The following DIPK1A variants were observed in gnomAD, a reference collection of about 807,000 sequenced individuals.
The protein encoded by DIPK1A is divergent protein kinase domain 1A, also known as family with sequence similarity 69 member A.
In DIPK1A, 27 loss-of-function variants were observed where a neutral mutation model predicts 40.8. The observed-to-expected ratio is 0.66, with a 90% confidence interval of 0.49 to 0.91. The LOEUF (loss-of-function observed/expected upper bound fraction) is 0.91. DIPK1A is among the 40% of genes least tolerant of loss of function. The pLI, the probability that DIPK1A is intolerant of heterozygous loss-of-function variation, is 0.00. For missense variants in DIPK1A, 412 were observed against 505.7 expected, an observed-to-expected ratio of 0.81 and a Z score of 1.78; for synonymous variants, 166 against 171.3, an observed-to-expected ratio of 0.97 and a Z score of 0.24.
intron 2 of DIPK1A, among the ~76,000 whole-genome samples, chr1:92,874,818 C>T (rs777073069): frequency 6.6e-6 from 1 of 152,134 alleles, no homozygotes; most frequent in African/African-American, 2.4e-5. Flanking sequence ...CTGGTTCCAT[C>T]ATCTTGGGCA....
At chr1:92,911,600 G>A (rs1649827067) in intron 1 of DIPK1A, among the ~76,000 whole-genome samples, 2 of 151,888 alleles carry the variant, frequency 1.3e-5, no homozygotes, top group Admixed American at 6.6e-5. Context: ...CCACTTTTGG[G>A]GTATTACAAA....
chr1:92,850,321 G>T (rs371719780), intron 3 of DIPK1A, among the ~76,000 whole-genome samples: 13 of 152,030 alleles, frequency 8.6e-5, no homozygotes, highest in Non-Finnish European at 1.5e-4. Flanking sequence ...TAACATCAAA[G>T]TGCTGACAGA....
At chr1:92,912,981 G>A (rs893074666) in intron 1 of DIPK1A, among the ~76,000 whole-genome samples, 1 of 152,060 alleles carries the variant, frequency 6.6e-6, no homozygotes, top group East Asian at 1.9e-4. Flanking sequence ...GCATGCATCT[G>A]TATACCCAGG....
chr1:92,894,431 A>T (rs1484858290), intron 1 of DIPK1A, among the ~76,000 whole-genome samples: 1 of 152,144 alleles, frequency 6.6e-6, no homozygotes, highest in African/African-American at 2.4e-5. Flanking sequence ...TGAAGGCAGA[A>T]ATAAAGATGT....
chr1:92,905,441 A>T (rs1649584336), intron 1 of DIPK1A, among the ~76,000 whole-genome samples: 1 of 152,144 alleles, frequency 6.6e-6, no homozygotes, highest in South Asian at 2.1e-4. Flanking sequence ...TCTAAGAAAC[A>T]TTATTCAGAT....
chr1:92,857,815 G>A (rs1414594944), intron 2 of DIPK1A, among the ~76,000 whole-genome samples: 1 of 152,144 alleles, frequency 6.6e-6, no homozygotes, highest in Non-Finnish European at 1.5e-5. Flanking sequence ...TGGAACCTGA[G>A]CCCAGATAGT....
Position 92,847,303 on chromosome 1 carries a change from T to G in DIPK1A, c.354A>C (p.Gln118His), listed in dbSNP as rs1355015398. Residue 118 changes from glutamine to histidine, a missense_variant, in exon 4 of 5, where the codon CAA becomes CAC. Gln to His is a conservative substitution (Grantham distance 24, BLOSUM62 0). Coordinates refer to ENST00000370310, the MANE Select transcript of DIPK1A (RefSeq NM_001006605.5). The part of the protein sequence containing the change: ...LPGVVKCQME[Q>H]ALHLDFGTEL... ...CAGTTCCAAAATCAAGATGAAGCGC[T>G]TGTTCCATTTGACATTTCACAACAC... The G allele has an allele frequency of 6.2e-6, 10 of 1,612,670 alleles. No homozygotes were observed. Among genetic ancestry groups the G allele is most frequent in the Non-Finnish European group, 8.5e-6 (10 of 1,179,304 alleles).
intron 1 of DIPK1A, among the ~76,000 whole-genome samples, chr1:92,936,889 T>C (rs1467463535): frequency 6.6e-6 from 1 of 152,220 alleles, no homozygotes; most frequent in African/African-American, 2.4e-5. Context: ...GCTTTTCTAC[T>C]ACTTGAGACA....
intron 1 of DIPK1A, among the ~76,000 whole-genome samples, chr1:92,897,477 A>G (rs1179152955): frequency 6.6e-6 from 1 of 150,950 alleles, no homozygotes; most frequent in African/African-American, 2.4e-5. Flanking sequence ...GGACACAGGA[A>G]GGGGAACATC....
At chr1:92,890,222 T>A (rs1648799832) in intron 1 of DIPK1A, among the ~76,000 whole-genome samples, 1 of 152,174 alleles carries the variant, frequency 6.6e-6, no homozygotes, top group South Asian at 2.1e-4. Flanking sequence ...TTGGTAGAGC[T>A]TTTAGAGTTT....
chr1:92,884,649 A>G (rs1648518423), intron 1 of DIPK1A, among the ~76,000 whole-genome samples: 1 of 152,190 alleles, frequency 6.6e-6, no homozygotes, highest in South Asian at 2.1e-4. Flanking sequence ...TTACTAAAAC[A>G]TACAATAGCC....
intron 2 of DIPK1A, among the ~76,000 whole-genome samples, chr1:92,855,389 C>CA (rs1687951760): frequency 1.3e-5 from 2 of 151,920 alleles, no homozygotes; most frequent in African/African-American, 4.8e-5. Context: ...AACCAACCAA[C>CA]CAAACAAACA....
chr1:92,916,051 G>A (rs190760428), intron 1 of DIPK1A, among the ~76,000 whole-genome samples: 1 of 152,250 alleles, frequency 6.6e-6, no homozygotes. Context: ...TATATGAAAT[G>A]TCTAGAACAG....
intron 1 of DIPK1A, among the ~76,000 whole-genome samples, chr1:92,946,617 G>C (rs568576875): frequency 6.6e-6 from 1 of 152,310 alleles, no homozygotes; most frequent in African/African-American, 2.4e-5. Context: ...TTAACACCAA[G>C]TTAGCAAATA....
chr1:92,882,913 A>G (rs773074327), intron 1 of DIPK1A, among the ~76,000 whole-genome samples: 25 of 152,298 alleles, frequency 1.6e-4, no homozygotes, highest in Middle Eastern at 3.4e-3. Context: ...TAATTCAACC[A>G]CATGCTGATG....
At chr1:92,929,185 G>A (rs1650644835) in intron 1 of DIPK1A, among the ~76,000 whole-genome samples, 1 of 152,140 alleles carries the variant, frequency 6.6e-6, no homozygotes, top group Non-Finnish European at 1.5e-5. Context: ...CTTCACATGT[G>A]TAGTGATTTT....
chr1:92,952,243 T>C (rs1016609414), intron 1 of DIPK1A, among the ~76,000 whole-genome samples: 1 of 152,196 alleles, frequency 6.6e-6, no homozygotes, highest in African/African-American at 2.4e-5. Context: ...GAAACCCTGC[T>C]TTCTGTATAT....
At chr1:92,957,199 T>A (rs1651887332) in intron 1 of DIPK1A, among the ~76,000 whole-genome samples, 1 of 152,232 alleles carries the variant, frequency 6.6e-6, no homozygotes, top group Admixed American at 6.5e-5. Flanking sequence ...TCTTAGTTTG[T>A]AGAAAACACA....
intron 1 of DIPK1A, among the ~76,000 whole-genome samples, chr1:92,920,718 T>C (rs1179219763): frequency 6.6e-6 from 1 of 152,194 alleles, no homozygotes; most frequent in African/African-American, 2.4e-5. Context: ...GGCTCCAGCA[T>C]CCTCCTAGGA....
Sources: gnomAD v4.1 joint callset for allele counts (sites outside exome capture counted in the v4.1 genomes callset) on GRCh38, gnomAD v4.1.1 for gene constraint, MANE v1.5 for transcripts, NCBI Gene and HGNC (gene_info 2026-07-23, HGNC 2026-07-21) for gene names.